PTPRD: variants seen among roughly 807,000 people sequenced by gnomAD.
PTPRD encodes the protein receptor-type tyrosine-protein phosphatase delta.
PTPRD carries 34 observed loss-of-function variants against 214.5 expected under a neutral mutation model. That is an observed-to-expected ratio of 0.16 (90% CI 0.12 to 0.21). PTPRD has a LOEUF of 0.21. PTPRD is among the 10% of genes least tolerant of loss of function. The pLI, the probability that PTPRD is intolerant of heterozygous loss-of-function variation, is 1.00. For missense variants in PTPRD, 2,545 were observed against 2,398.7 expected, an observed-to-expected ratio of 1.06 and a Z score of -1.27; for synonymous variants, 1,128 against 845.7, an observed-to-expected ratio of 1.33 and a Z score of -5.79.
At chr9:9,818,858 G>C in intron 5 of PTPRD, among the ~76,000 whole-genome samples, 1 of 142,636 alleles carries the variant, frequency 7.0e-6, no homozygotes, top group Non-Finnish European at 1.5e-5. Context: ...AGAGGTTTCA[G>C]TGAGCCAAGA....
At chr9:8,671,094 G>C (rs1025829387) in intron 12 of PTPRD, among the ~76,000 whole-genome samples, 4 of 152,070 alleles carry the variant, frequency 2.6e-5, no homozygotes, top group Non-Finnish European at 4.4e-5. Flanking sequence ...AGTGTGCTTG[G>C]AGAGTATCAG....
intron 39 of PTPRD, among the ~76,000 whole-genome samples, chr9:8,356,028 AT>A (rs1300826504): frequency 2.6e-5 from 4 of 152,192 alleles, no homozygotes; most frequent in African/African-American, 9.7e-5. Context: ...ATTCATAAGG[AT>A]TTTTTGTCCT....
chr9:8,846,129 T>A (rs140202772), intron 11 of PTPRD, among the ~76,000 whole-genome samples: 3 of 152,342 alleles, frequency 2.0e-5, no homozygotes, highest in Non-Finnish European at 4.4e-5. Context: ...GATTTGGCTT[T>A]GTCCTGGTTT....
intron 2 of PTPRD, among the ~76,000 whole-genome samples, chr9:10,584,588 C>T (rs1175145653): frequency 6.6e-6 from 1 of 152,112 alleles, no homozygotes. Context: ...ATTTTCTCTT[C>T]CAGCTCTTGT....
At chr9:9,265,952 G>A (rs1164218674) in intron 9 of PTPRD, among the ~76,000 whole-genome samples, 1 of 151,454 alleles carries the variant, frequency 6.6e-6, no homozygotes, top group Non-Finnish European at 1.5e-5. Flanking sequence ...AAATGGTTCA[G>A]TAAACAAGAT....
chr9:9,613,620 T>C (rs2094670133), intron 7 of PTPRD, among the ~76,000 whole-genome samples: 1 of 152,180 alleles, frequency 6.6e-6, no homozygotes, highest in Admixed American at 6.5e-5. Context: ...ATCTTAAGTT[T>C]ATTTGGATCT....
intron 7 of PTPRD, among the ~76,000 whole-genome samples, chr9:9,674,227 G>C (rs1235519544): frequency 2.0e-5 from 3 of 151,690 alleles, no homozygotes; most frequent in African/African-American, 7.2e-5. Context: ...GCATTGTTCA[G>C]GTATTTTAGG....
intron 4 of PTPRD, among the ~76,000 whole-genome samples, chr9:10,000,340 T>G (rs2096276283): frequency 6.6e-6 from 1 of 152,154 alleles, no homozygotes; most frequent in Admixed American, 6.6e-5. Flanking sequence ...CAACCCTATA[T>G]TTTTAACCTT....
At chr9:8,737,155 T>C (rs2090653451) in intron 11 of PTPRD, among the ~76,000 whole-genome samples, 1 of 152,200 alleles carries the variant, frequency 6.6e-6, no homozygotes, top group African/African-American at 2.4e-5. Flanking sequence ...CCAAATTTTT[T>C]CAAATGAACC....
chr9:8,392,404 T>C (rs1196897361), intron 36 of PTPRD, among the ~76,000 whole-genome samples: 5 of 151,992 alleles, frequency 3.3e-5, no homozygotes, highest in African/African-American at 4.8e-5. Context: ...TGCACGCCTG[T>C]AGTCCCAGCT....
At chr9:10,464,842 T>G (rs946728945) in intron 2 of PTPRD, among the ~76,000 whole-genome samples, 10 of 152,082 alleles carry the variant, frequency 6.6e-5, no homozygotes, top group Non-Finnish European at 1.2e-4. Context: ...AGGTGAAAAT[T>G]TGACATCCCT....
chr9:9,870,530 T>G (rs946280280), intron 5 of PTPRD, among the ~76,000 whole-genome samples: 1 of 152,020 alleles, frequency 6.6e-6, no homozygotes, highest in Non-Finnish European at 1.5e-5. Flanking sequence ...TGTATTTCAT[T>G]TGAAATAAAA....
intron 2 of PTPRD, among the ~76,000 whole-genome samples, chr9:10,360,838 C>G (rs1007211795): frequency 6.6e-6 from 1 of 152,184 alleles, no homozygotes; most frequent in Non-Finnish European, 1.5e-5. Flanking sequence ...CGCGGTGGCT[C>G]ACGCCTGTAA....
intron 3 of PTPRD, among the ~76,000 whole-genome samples, chr9:10,172,881 G>C (rs554087554): frequency 2.6e-5 from 4 of 152,264 alleles, no homozygotes; most frequent in Non-Finnish European, 4.4e-5. Flanking sequence ...TGACTAGATG[G>C]ATGAACCTTA....
In PTPRD at chr9:9,293,602, T is replaced by C. The variant is rs563766583; in HGVS notation, c.-203+103847A>G. 5.9e-5 allele frequency among the ~76,000 whole-genome samples: 9 copies of C among 151,616 alleles called. No homozygotes were observed. In the South Asian group the frequency reaches 1.7e-3, roughly 28 times the overall value. On this transcript the variant is annotated intron_variant, in intron 9 of 45. Coordinates refer to ENST00000381196, the MANE Select transcript of PTPRD (RefSeq NM_002839.4). ...GGTGGTTGGTTTTAGGCCCTCTCAG[T>C]TGACAGAGAAAAGAAATATACGTAT...
At chr9:8,613,261 G>C (rs979259399) in intron 14 of PTPRD, among the ~76,000 whole-genome samples, 1 of 152,064 alleles carries the variant, frequency 6.6e-6, no homozygotes, top group Non-Finnish European at 1.5e-5. Context: ...TGTTTTAAAA[G>C]AGAAATGGCA....
chr9:8,745,009 A>G (rs2092628479), intron 11 of PTPRD, among the ~76,000 whole-genome samples: 1 of 152,136 alleles, frequency 6.6e-6, no homozygotes, highest in Non-Finnish European at 1.5e-5. Flanking sequence ...TATCCAAAAT[A>G]CACTCTTCAC....
In PTPRD at chr9:9,743,731, T is replaced by TACACACACACACACACAC. The variant is rs4008087; in HGVS notation, c.-325-9178_-325-9161dup. Among the ~76,000 whole-genome samples the TACACACACACACACACAC allele has an allele frequency of 6.8e-4, 55 of 80,466 alleles. No individual in the cohort carries two copies. The East Asian group carries it at 7.3e-3, about 11-fold the overall frequency. 52.8% of individuals were successfully genotyped at this position (80,466 alleles called of 152,430 possible). On this transcript the variant is annotated intron_variant, in intron 6 of 45. Coordinates refer to ENST00000381196, the MANE Select transcript of PTPRD (RefSeq NM_002839.4). Reference sequence around the variant, plus strand: ...TTCTTCATAGCAAAAACTCAGTCTATACACACACACACACACACACACACA... The same window carrying TACACACACACACACACAC: ...TTCTTCATAGCAAAAACTCAGTCTATACACACACACACACACACACACACACACACACACACACACACA...
intron 11 of PTPRD, among the ~76,000 whole-genome samples, chr9:8,971,722 T>A (rs970256343): frequency 1.3e-5 from 2 of 151,282 alleles, no homozygotes; most frequent in Non-Finnish European, 3.0e-5. Flanking sequence ...AATAATTAAA[T>A]ATTTATTGAA....
Sources: gnomAD v4.1 joint callset for allele counts (sites outside exome capture counted in the v4.1 genomes callset) on GRCh38, gnomAD v4.1.1 for gene constraint, MANE v1.5 for transcripts, NCBI Gene and HGNC (gene_info 2026-07-23, HGNC 2026-07-21) for gene names.